GAL3ST1: variants seen among roughly 807,000 people sequenced by gnomAD.
The protein encoded by GAL3ST1 is galactose-3-O-sulfotransferase 1.
In GAL3ST1, 13 loss-of-function variants were observed where a neutral mutation model predicts 25.0. The ratio of observed to expected loss-of-function variants is 0.52; its 90% CI spans 0.34 to 0.83. The LOEUF is 0.83. Among genes scored for constraint, GAL3ST1 ranks in the 40% least tolerant of loss-of-function variants. The pLI, the probability that GAL3ST1 is intolerant of heterozygous loss-of-function variation, is 0.02. For synonymous variants in GAL3ST1, 274 were observed against 277.8 expected, an observed-to-expected ratio of 0.99 and a Z score of 0.14; for missense variants, 474 against 613.6, an observed-to-expected ratio of 0.77 and a Z score of 2.40.
intron 1 of GAL3ST1, among the ~76,000 whole-genome samples, chr22:30,559,527 C>T (rs1048204590): frequency 2.0e-5 from 3 of 152,158 alleles, no homozygotes; most frequent in African/African-American, 7.2e-5. Flanking sequence ...GCATGAGCCA[C>T]CGCGCCTGGC....
chr22:30,560,947 T>C (rs2146381046), intron 1 of GAL3ST1, among the ~76,000 whole-genome samples: 1 of 151,916 alleles, frequency 6.6e-6, no homozygotes. Context: ...TCCCATTTGC[T>C]CTTTTGTTTG....
intron 1 of GAL3ST1, among the ~76,000 whole-genome samples, chr22:30,564,511 C>A (rs557670780): frequency 2.0e-5 from 3 of 152,290 alleles, no homozygotes; most frequent in Admixed American, 2.0e-4. Flanking sequence ...CAACTGCAGG[C>A]ACTCAGGATG....
At chr22:30,568,652 T>C (rs1671689972) in intron 1 of GAL3ST1, among the ~76,000 whole-genome samples, 1 of 152,178 alleles carries the variant, frequency 6.6e-6, no homozygotes, top group South Asian at 2.1e-4. Flanking sequence ...GAAAAGCACA[T>C]GCAAAGGCCC....
At chr22:30,563,915 CAAAA>C (rs5844911) in intron 1 of GAL3ST1, among the ~76,000 whole-genome samples, 3 of 128,462 alleles carry the variant, frequency 2.3e-5, no homozygotes, top group East Asian at 2.2e-4. Flanking sequence ...GACCCCGTCT[CAAAA>C]AAAAAAAAAA....
chr22:30,559,889 G>A (rs891604440), intron 1 of GAL3ST1, among the ~76,000 whole-genome samples: 1 of 152,188 alleles, frequency 6.6e-6, no homozygotes, highest in African/African-American at 2.4e-5. Context: ...TTCTGTCCTG[G>A]CTCACACTGC....
chr22:30,573,414 A>T (rs1241058340), intron 1 of GAL3ST1, among the ~76,000 whole-genome samples: 1 of 152,168 alleles, frequency 6.6e-6, no homozygotes, highest in Non-Finnish European at 1.5e-5. Flanking sequence ...GATAATGGGG[A>T]TAGGTAGCAA....
At position 30,554,885 on chromosome 22, in the gene GAL3ST1, C is replaced by A; in HGVS notation, c.*68G>T. On this transcript the variant is annotated 3_prime_UTR_variant, in exon 4 of 4. Transcript: ENST00000406361. ...AGGAGGGGGCTGGGGGCGGCCAGCA[C>A]CAGCGGCGTCCTGCTCAGCCCCTCT... 7.8e-7 allele frequency: 1 copy of A among 1,287,932 alleles called. No individual in the cohort carries two copies. Among genetic ancestry groups the A allele is most frequent in the Non-Finnish European group, 1.1e-6 (1 of 951,930 alleles). The allele number at this position is 1,287,932 out of a possible 1,614,324, so 79.8% of individuals were successfully genotyped here. A position where few individuals can be genotyped will look rare whatever the true frequency, so the allele number is the denominator to read the frequency against.
At chr22:30,571,911 G>A (rs1004764029) in intron 1 of GAL3ST1, among the ~76,000 whole-genome samples, 3 of 152,188 alleles carry the variant, frequency 2.0e-5, no homozygotes, top group Non-Finnish European at 2.9e-5. Flanking sequence ...GACCTTGACA[G>A]ACACTCCCAG....
intron 3 of GAL3ST1, 37 bp from the exon 4 acceptor site, chr22:30,556,130 G>A: frequency 6.5e-7 from 1 of 1,528,902 alleles, no homozygotes; most frequent in South Asian, 1.2e-5. Flanking sequence ...GCCTCAGGGG[G>A]GTGCTGGGGC....
At chr22:30,567,658 C>T (rs1445910177) in intron 1 of GAL3ST1, among the ~76,000 whole-genome samples, 1 of 151,894 alleles carries the variant, frequency 6.6e-6, no homozygotes, top group African/African-American at 2.4e-5. Flanking sequence ...CTTGCAGCCA[C>T]GATAGTTTTT....
At chr22:30,574,349 T>G (rs1409022677) in intron 1 of GAL3ST1, 117 bp downstream of exon 1, 1 of 152,122 alleles carries the variant, frequency 6.6e-6, no homozygotes, top group Non-Finnish European at 1.5e-5. Context: ...GCACTCCTAC[T>G]CCCCTCCTCC....
Position 30,557,339 on chromosome 22 carries a change from C to A in GAL3ST1, c.54G>T (p.Leu18=), listed in dbSNP as rs757124639. Residue 18 remains leucine (L), a synonymous_variant, in exon 3 of 4, where the codon CTG becomes CTT. Coordinates refer to ENST00000406361, the MANE Select transcript of GAL3ST1 (RefSeq NM_001318104.2). The part of the protein sequence containing the change: ...PWESMAKGLV[L]GALFTSFLLL... ...GCAGGAAACTAGTGAAGAGCGCGCC[C>A]AGCACCAGCCCCTTAGCCATGGACT... 8 of 1,614,252 alleles carry A rather than the reference C, an allele frequency of 5.0e-6. No homozygotes were observed. The South Asian group carries it at 7.7e-5, about 16-fold the overall frequency.
intron 1 of GAL3ST1, among the ~76,000 whole-genome samples, chr22:30,558,948 A>G (rs948400540): frequency 6.6e-6 from 1 of 152,168 alleles, no homozygotes; most frequent in African/African-American, 2.4e-5. Context: ...ACCTGAGGTC[A>G]GGAGTTTGAG....
At chr22:30,568,500 C>G (rs2086690136) in intron 1 of GAL3ST1, among the ~76,000 whole-genome samples, 1 of 152,174 alleles carries the variant, frequency 6.6e-6, no homozygotes, top group African/African-American at 2.4e-5. Flanking sequence ...GAGCCTAGGT[C>G]TTTGCATCTC....
intron 1 of GAL3ST1, among the ~76,000 whole-genome samples, chr22:30,573,593 C>T (rs2086835974): frequency 6.6e-6 from 1 of 152,180 alleles, no homozygotes. Context: ...ATGGACAGTC[C>T]TCTACACCTC....
At chr22:30,558,921 G>A (rs755493586) in intron 1 of GAL3ST1, among the ~76,000 whole-genome samples, 4 of 152,160 alleles carry the variant, frequency 2.6e-5, no homozygotes, top group Non-Finnish European at 4.4e-5. Flanking sequence ...ACTTTGGGAG[G>A]CCGAGGAGGG....
chr22:30,555,533 C>T lies in GAL3ST1; in HGVS notation c.692G>A (p.Ser231Asn). ...DLGYDNSLDP[S>N]SPQVQEHILE... ...GATGTGCTCCTGCACCTGCGGGCTGCTGGGGTCCAGGCTGTTGTCATAGCC... is the reference window on the plus strand; with the variant it reads ...GATGTGCTCCTGCACCTGCGGGCTGTTGGGGTCCAGGCTGTTGTCATAGCC... Residue 231 changes from serine (S) to asparagine (N), a missense_variant, in exon 4 of 4, where the codon AGC becomes AAC. Ser to Asn is a conservative substitution (Grantham distance 46, BLOSUM62 1). Around this residue, in one of 2 missense-constraint regions of GAL3ST1, gnomAD observed 359 missense variants for 504.4 expected, o/e 0.71. Coordinates refer to ENST00000406361, the MANE Select transcript of GAL3ST1 (RefSeq NM_001318104.2). The surrounding 1 kb of genome is among the most constrained non-coding windows in gnomAD (Gnocchi z 8.6). 2 of 1,613,726 alleles carry T rather than the reference C, an allele frequency of 1.2e-6. No individual in the cohort carries two copies. The highest frequency in any genetic ancestry group is 2.2e-5 in the South Asian group (2 of 91,088).
chr22:30,569,853 C>G (rs2086729703), intron 1 of GAL3ST1, among the ~76,000 whole-genome samples: 1 of 152,188 alleles, frequency 6.6e-6, no homozygotes, highest in African/African-American at 2.4e-5. Context: ...GAGGCCAAGA[C>G]AGGCAGATTG....
intron 1 of GAL3ST1, among the ~76,000 whole-genome samples, chr22:30,566,739 AGCT>A (rs1299672990): frequency 6.6e-6 from 1 of 151,788 alleles, no homozygotes; most frequent in African/African-American, 2.4e-5. Flanking sequence ...CCTCCTGAGT[AGCT>A]GGGACTACAG....
Sources: allele counts gnomAD v4.1 joint callset (sites outside exome capture counted in the v4.1 genomes callset), GRCh38; gene constraint gnomAD v4.1.1; regional missense constraint gnomAD v4.1.1; non-coding constraint Gnocchi (gnomAD v3.1); transcripts MANE v1.5; gene names NCBI Gene and HGNC (gene_info 2026-07-23, HGNC 2026-07-21).